The following STIM1 variants were observed in gnomAD, a reference collection of about 807,000 sequenced individuals.
STIM1 encodes stromal interaction molecule 1.
In STIM1, 25 loss-of-function variants were observed where a neutral mutation model predicts 74.7. That is an observed-to-expected ratio of 0.33 (90% CI 0.24 to 0.47). STIM1 has a LOEUF of 0.47. Among genes scored for constraint, STIM1 ranks in the 20% least tolerant of loss-of-function variants. The pLI is 1.00. For synonymous variants in STIM1, 328 were observed against 348.8 expected, an observed-to-expected ratio of 0.94 and a Z score of 0.66; for missense variants, 728 against 920.8, an observed-to-expected ratio of 0.79 and a Z score of 2.71.
chr11:4,053,418 C>A (rs1159212840), intron 3 of STIM1, among the ~76,000 whole-genome samples: 2 of 152,136 alleles, frequency 1.3e-5, no homozygotes, highest in South Asian at 4.2e-4. Flanking sequence ...AGGATGAATT[C>A]ATGTCCTTTG....
chr11:3,907,794 G>T (rs1590553313), intron 1 of STIM1, among the ~76,000 whole-genome samples: 1 of 152,184 alleles, frequency 6.6e-6, no homozygotes, highest in East Asian at 1.9e-4. Flanking sequence ...TGCTCACCCT[G>T]CCCCACTGGC....
chr11:3,966,175 G>T (rs1333184752), intron 1 of STIM1, among the ~76,000 whole-genome samples: 1 of 152,178 alleles, frequency 6.6e-6, no homozygotes, highest in African/African-American at 2.4e-5. Flanking sequence ...TTGAAGTGCT[G>T]GCCTGGGAGT....
intron 1 of STIM1, among the ~76,000 whole-genome samples, chr11:3,872,348 C>T (rs1006752409): frequency 2.0e-5 from 3 of 152,018 alleles, no homozygotes; most frequent in Admixed American, 6.6e-5. Flanking sequence ...CCACTGCACC[C>T]GGCCTTGTTT....
At chr11:3,962,804 A>G (rs2093301457) in intron 1 of STIM1, among the ~76,000 whole-genome samples, 1 of 152,110 alleles carries the variant, frequency 6.6e-6, no homozygotes. Context: ...GACTTTAGCA[A>G]TTGTTTGTTC....
At position 4,077,321 on chromosome 11, in the gene STIM1, T is replaced by C. The variant is rs919699181; in HGVS notation, c.969+2642T>C. ...TCCAAAAATAGATATTTCATAATTA[T>C]AAGTGGATGAATTCAATTTAATATA... On this transcript the variant is annotated intron_variant, in intron 7 of 12. Transcript: ENST00000526596. 3.0e-4 allele frequency among the ~76,000 whole-genome samples: 45 copies of C among 152,078 alleles called. 1 individual carries two copies. The highest frequency in any genetic ancestry group is 1.1e-3 in the African/African-American group (45 of 41,566).
intron 1 of STIM1, among the ~76,000 whole-genome samples, chr11:3,905,570 C>G (rs998664197): frequency 6.6e-6 from 1 of 152,042 alleles, no homozygotes; most frequent in Non-Finnish European, 1.5e-5. Flanking sequence ...GAGACCTTGT[C>G]ATTCATAAGT....
chr11:3,898,159 A>G (rs2092243616), intron 1 of STIM1, among the ~76,000 whole-genome samples: 1 of 151,302 alleles, frequency 6.6e-6, no homozygotes, highest in Non-Finnish European at 1.5e-5. Flanking sequence ...ATTTCTCCAC[A>G]TCCTCTCCAG....
chr11:3,887,387 C>T (rs1271076871), intron 1 of STIM1, among the ~76,000 whole-genome samples: 1 of 152,162 alleles, frequency 6.6e-6, no homozygotes. Context: ...GGCCATACAT[C>T]TAGAAGTGCT....
In STIM1 at chr11:4,023,394, A is replaced by G. The variant is rs149667472; in HGVS notation, c.271-479A>G. On this transcript the variant is annotated intron_variant, in intron 2 of 12. Coordinates refer to ENST00000526596, the MANE Select transcript of STIM1 (RefSeq NM_001382567.1). ...CAGTAAATTAACCTGTCTAAACCTA[A>G]TGTAATTTGGGGCAAATGGCATTAT... Among the ~76,000 whole-genome samples the G allele has an allele frequency of 7.0e-3, 1,067 of 152,236 alleles. 14 individuals carry two copies. Among genetic ancestry groups the G allele is most frequent in the African/African-American group, 0.022 (897 of 41,532 alleles).
At chr11:3,902,708 G>A (rs1490442312) in intron 1 of STIM1, among the ~76,000 whole-genome samples, 1 of 152,186 alleles carries the variant, frequency 6.6e-6, no homozygotes, top group East Asian at 1.9e-4. Context: ...GGGGACCCTT[G>A]GCATAGGGAA....
intron 2 of STIM1, among the ~76,000 whole-genome samples, chr11:3,976,110 A>G (rs1364080046): frequency 6.6e-6 from 1 of 152,262 alleles, no homozygotes; most frequent in Non-Finnish European, 1.5e-5. Context: ...ACGGATAAAC[A>G]GACTATGGAA....
intron 2 of STIM1, among the ~76,000 whole-genome samples, chr11:4,021,469 G>A (rs1050650662): frequency 1.3e-5 from 2 of 152,142 alleles, no homozygotes; most frequent in Non-Finnish European, 2.9e-5. Flanking sequence ...CTCAGTGTTT[G>A]TTCATGCATT....
intron 1 of STIM1, among the ~76,000 whole-genome samples, chr11:3,867,569 A>G (rs1413073879): frequency 6.6e-6 from 1 of 152,228 alleles, no homozygotes; most frequent in African/African-American, 2.4e-5. Flanking sequence ...CAGCAGAGAG[A>G]TAGGATAGTC....
At chr11:3,981,110 G>A (rs1056966561) in intron 2 of STIM1, among the ~76,000 whole-genome samples, 30 of 152,046 alleles carry the variant, frequency 2.0e-4, no homozygotes, top group Non-Finnish European at 1.0e-4. Flanking sequence ...TGATTCTTCT[G>A]CCTCAGGCTC....
intron 1 of STIM1, among the ~76,000 whole-genome samples, chr11:3,939,991 T>C (rs1030786146): frequency 6.6e-6 from 1 of 152,334 alleles, no homozygotes; most frequent in South Asian, 2.1e-4. Flanking sequence ...AAATCTTTTT[T>C]TGTTACTTGT....
At chr11:3,918,500 C>T (rs1301910387) in intron 1 of STIM1, among the ~76,000 whole-genome samples, 2 of 150,106 alleles carry the variant, frequency 1.3e-5, no homozygotes, top group Non-Finnish European at 3.0e-5. Flanking sequence ...CAGACCACTG[C>T]ACTCCAGCCT....
chr11:3,916,995 C>T (rs2092653479), intron 1 of STIM1, among the ~76,000 whole-genome samples: 1 of 152,204 alleles, frequency 6.6e-6, no homozygotes, highest in African/African-American at 2.4e-5. Context: ...TTTTAGAAGA[C>T]ATTTCCTCCT....
rs78564273 is a variant in STIM1, at chr11:3,861,910, C to T, written c.139+5501C>T. On this transcript the variant is annotated intron_variant, in intron 1 of 12. Transcript: ENST00000526596. ...GACTTGAGTTTCAGACCCAAGGGGC[C>T]CCTCTGGTTTCCTGCTGGGTAACCT... 5.1e-4 allele frequency among the ~76,000 whole-genome samples: 78 copies of T among 152,036 alleles called. 2 individuals are homozygous for T. In the East Asian group the frequency reaches 0.012, roughly 24 times the overall value.
At chr11:4,001,236 C>T (rs1438846694) in intron 2 of STIM1, among the ~76,000 whole-genome samples, 8 of 151,394 alleles carry the variant, frequency 5.3e-5, no homozygotes, top group African/African-American at 7.3e-5. Flanking sequence ...ATACAGAGAA[C>T]GCCACAAAGA....
Sources: gnomAD v4.1 joint callset for allele counts (sites outside exome capture counted in the v4.1 genomes callset) on GRCh38, gnomAD v4.1.1 for gene constraint, MANE v1.5 for transcripts, NCBI Gene and HGNC (gene_info 2026-07-23, HGNC 2026-07-21) for gene names.